Variants in ARHGAP22 observed in about 807,000 individuals in gnomAD.
ARHGAP22 encodes the protein rho GTPase-activating protein 22.
In ARHGAP22, 48 loss-of-function variants were observed where a neutral mutation model predicts 59.1. The ratio of observed to expected loss-of-function variants is 0.81; its 90% confidence interval spans 0.64 to 1.03. The LOEUF is 1.03. Among genes scored for constraint, ARHGAP22 ranks in the 50% least tolerant of loss-of-function variants. The pLI, the probability that ARHGAP22 is intolerant of heterozygous loss-of-function variation, is 0.00. For missense variants in ARHGAP22, 1,015 were observed against 958.7 expected, an observed-to-expected ratio of 1.06 and a Z score of -0.78; for synonymous variants, 445 against 416.4, an observed-to-expected ratio of 1.07 and a Z score of -0.84.
intron 3 of ARHGAP22, among the ~76,000 whole-genome samples, chr10:48,519,683 G>A (rs1037309768): frequency 1.3e-5 from 2 of 152,262 alleles, no homozygotes; most frequent in Admixed American, 1.3e-4. Flanking sequence ...GAGGGCTGGG[G>A]CTCAGAGATG....
rs748828077 is a variant in ARHGAP22 at position 48,479,736 on chromosome 10, C to T, written c.351G>A (p.Pro117=). The T allele has an allele frequency of 8.8e-6, 14 of 1,598,870 alleles. No individual in the cohort carries two copies. In the East Asian group the frequency reaches 9.0e-5, roughly 10 times the overall value. The part of the protein sequence containing the change: ...PGGAGEREKV[P]ANPEALLLMA... Reference sequence around the variant, plus strand: ...TGAGCAGGAGCGCCTCGGGGTTGGCCGGCACCTTCTCCCGCTCCCCGGCAC... The same window carrying T: ...TGAGCAGGAGCGCCTCGGGGTTGGCTGGCACCTTCTCCCGCTCCCCGGCAC... The change falls in exon 4 of 10, where the codon CCG becomes CCA. Residue 117 remains proline (P), a synonymous_variant. Transcript: ENST00000249601.
upstream of ARHGAP22, among the ~76,000 whole-genome samples, chr10:48,653,451 A>G (rs2062640802): frequency 6.6e-6 from 1 of 152,218 alleles, no homozygotes; most frequent in African/African-American, 2.4e-5. Context: ...ATCTTGGCCC[A>G]TGCCTTGGGG....
At chr10:48,536,045 G>C (rs971597568) in intron 3 of ARHGAP22, among the ~76,000 whole-genome samples, 1 of 152,216 alleles carries the variant, frequency 6.6e-6, no homozygotes, top group African/African-American at 2.4e-5. Context: ...GCTGGCCTGG[G>C]TCCTGTTCAA....
chr10:48,551,523 C>T (rs999777666), intron 3 of ARHGAP22, among the ~76,000 whole-genome samples: 1 of 152,204 alleles, frequency 6.6e-6, no homozygotes, highest in Non-Finnish European at 1.5e-5. Flanking sequence ...GACACAAATG[C>T]CAGTCACCCT....
chr10:48,479,738 G>A lies in ARHGAP22; in HGVS notation c.349C>T (p.Pro117Ser). The part of the protein sequence containing the change: ...PGGAGEREKV[P>S]ANPEALLLMA... ...AGCAGGAGCGCCTCGGGGTTGGCCG[G>A]CACCTTCTCCCGCTCCCCGGCACCA... Residue 117 changes from proline to serine, a missense_variant, in exon 4 of 10, where the codon CCG becomes TCG. Transcript: ENST00000249601. 6.3e-7 allele frequency: 1 copy of A among 1,597,808 alleles called. No individual in the cohort carries two copies.
intron 5 of ARHGAP22, among the ~76,000 whole-genome samples, chr10:48,457,089 A>ACC (rs1422986035): frequency 2.6e-5 from 4 of 151,978 alleles, no homozygotes. Flanking sequence ...CTGGGGACAA[A>ACC]GAGGCCCTGG....
intron 4 of ARHGAP22, among the ~76,000 whole-genome samples, chr10:48,475,376 A>C (rs1387608481): frequency 6.6e-6 from 1 of 152,002 alleles, no homozygotes; most frequent in Non-Finnish European, 1.5e-5. Flanking sequence ...GGCCCCCTAA[A>C]TACTCTCTCT....
chr10:48,505,591 C>G (rs2052028869), intron 3 of ARHGAP22, among the ~76,000 whole-genome samples: 1 of 152,144 alleles, frequency 6.6e-6, no homozygotes, highest in South Asian at 2.1e-4. Flanking sequence ...CTGGAGGTGG[C>G]TCCAGAACTC....
intron 1 of ARHGAP22, among the ~76,000 whole-genome samples, chr10:48,598,029 T>G (rs2060169752): frequency 6.6e-6 from 1 of 152,186 alleles, no homozygotes; most frequent in South Asian, 2.1e-4. Context: ...AACAATAAGG[T>G]CATGGCCAGT....
chr10:48,593,092 C>T (rs1057299335), intron 1 of ARHGAP22, among the ~76,000 whole-genome samples: 1 of 152,238 alleles, frequency 6.6e-6, no homozygotes, highest in African/African-American at 2.4e-5. Context: ...TCTGGCTCTA[C>T]ACCTGCCATA....
chr10:48,554,924 A>G (rs2057188621), intron 3 of ARHGAP22, among the ~76,000 whole-genome samples: 2 of 152,228 alleles, frequency 1.3e-5, no homozygotes. Flanking sequence ...CGGCCCTGCC[A>G]TGTACACTGG....
At chr10:48,531,445 A>G (rs1479199598) in intron 3 of ARHGAP22, among the ~76,000 whole-genome samples, 1 of 152,198 alleles carries the variant, frequency 6.6e-6, no homozygotes, top group Non-Finnish European at 1.5e-5. Context: ...AAAGGAAAAT[A>G]TGTGTTGTTT....
chr10:48,463,808 T>C (rs572149816), intron 4 of ARHGAP22, among the ~76,000 whole-genome samples: 9 of 152,296 alleles, frequency 5.9e-5, no homozygotes, highest in Admixed American at 5.9e-4. Flanking sequence ...CATGCTGGGC[T>C]TGCAGCAGAG....
At chr10:48,476,133 G>A (rs1280419810) in intron 4 of ARHGAP22, among the ~76,000 whole-genome samples, 1 of 152,202 alleles carries the variant, frequency 6.6e-6, no homozygotes, top group Non-Finnish European at 1.5e-5. Context: ...TGAGAACCAT[G>A]AGGCCAGTGC....
At chr10:48,517,210 T>C (rs980739945) in intron 3 of ARHGAP22, among the ~76,000 whole-genome samples, 3 of 152,212 alleles carry the variant, frequency 2.0e-5, no homozygotes, top group African/African-American at 7.2e-5. Flanking sequence ...TGCTGAATTA[T>C]ATAAATTCAA....
At chr10:48,646,039 A>G (rs866012999) in intron 1 of ARHGAP22, among the ~76,000 whole-genome samples, 1 of 152,224 alleles carries the variant, frequency 6.6e-6, no homozygotes, top group African/African-American at 2.4e-5. Context: ...AATCAATTGT[A>G]TACCTACACA....
At chr10:48,624,721 A>C (rs1262377064) in intron 1 of ARHGAP22, among the ~76,000 whole-genome samples, 1 of 152,186 alleles carries the variant, frequency 6.6e-6, no homozygotes, top group Non-Finnish European at 1.5e-5. Context: ...TTTTGAGCCA[A>C]CTCCAAGAAA....
intron 4 of ARHGAP22, among the ~76,000 whole-genome samples, chr10:48,475,211 T>TG (rs1405970083): frequency 6.6e-6 from 1 of 152,222 alleles, no homozygotes; most frequent in Non-Finnish European, 1.5e-5. Context: ...TGGCTGCAGT[T>TG]GATCACTGCC....
At chr10:48,567,119 G>T (rs1050492228) in intron 2 of ARHGAP22, among the ~76,000 whole-genome samples, 1 of 152,182 alleles carries the variant, frequency 6.6e-6, no homozygotes, top group African/African-American at 2.4e-5. Flanking sequence ...CCAGGACCTT[G>T]CACTAGACTC....
Sources: allele counts gnomAD v4.1 joint callset (sites outside exome capture counted in the v4.1 genomes callset), GRCh38; gene constraint gnomAD v4.1.1; transcripts MANE v1.5; gene names NCBI Gene and HGNC (gene_info 2026-07-23, HGNC 2026-07-21).